The following CNTN4 variants were observed in gnomAD, a reference collection of about 807,000 sequenced individuals.
CNTN4 encodes contactin-4.
A neutral mutation model predicts 122.5 loss-of-function variants in CNTN4; 77 were observed. The observed-to-expected ratio is 0.63, with a 90% CI of 0.52 to 0.76. The LOEUF (loss-of-function observed/expected upper bound fraction) is 0.76. Ranked by LOEUF, CNTN4 falls within the 30% of genes least tolerant of loss-of-function variation. The probability of loss-of-function intolerance (pLI) is 0.00; values close to 1 mark genes in which losing one functional copy is unlikely to be tolerated. For missense variants in CNTN4, 1,256 were observed against 1,259.1 expected (o/e 1.00, Z 0.04); for synonymous variants, 512 against 447.0 (o/e 1.15, Z -1.83).
chr3:2,361,197 A>G (rs910934323), intron 3 of CNTN4, among the ~76,000 whole-genome samples: 7 of 152,156 alleles, frequency 4.6e-5, no homozygotes, highest in Non-Finnish European at 8.8e-5. Context: ...TTCCTAGAAC[A>G]TAAGTTAACG....
At chr3:2,979,921 G>GTCCCAAAAA (rs1693797635) in intron 13 of CNTN4, among the ~76,000 whole-genome samples, 1 of 152,096 alleles carries the variant, frequency 6.6e-6, no homozygotes, top group African/African-American at 2.4e-5. Context: ...AAAATCATAG[G>GTCCCAAAAA]TCTCCATTTT....
At chr3:3,050,763 C>CAAAAAAAACAA (rs1701181876) in intron 23 of CNTN4, among the ~76,000 whole-genome samples, 1 of 85,038 alleles carries the variant, frequency 1.2e-5, no homozygotes, top group African/African-American at 5.5e-5. Context: ...AACTCCGTCT[C>CAAAAAAAACAA]AAAAAAAAAA....
chr3:2,469,685 C>G (rs964118079), intron 3 of CNTN4, among the ~76,000 whole-genome samples: 1 of 152,150 alleles, frequency 6.6e-6, no homozygotes, highest in Non-Finnish European at 1.5e-5. Flanking sequence ...TTTATAGAAG[C>G]TAGAGGTACA....
chr3:2,603,313 T>C (rs2081124672), intron 4 of CNTN4, among the ~76,000 whole-genome samples: 1 of 152,218 alleles, frequency 6.6e-6, no homozygotes, highest in African/African-American at 2.4e-5. Context: ...ATGAAATTTT[T>C]TCTTTGATTC....
chr3:2,516,759 G>T (rs116809036), intron 3 of CNTN4, among the ~76,000 whole-genome samples: 187 of 152,136 alleles, frequency 1.2e-3, no homozygotes, highest in African/African-American at 4.3e-3. Context: ...TGTTTCTTAT[G>T]GTTAGATATA....
intron 23 of CNTN4, among the ~76,000 whole-genome samples, chr3:3,045,447 C>A (rs1416564682): frequency 6.6e-6 from 1 of 152,228 alleles, no homozygotes; most frequent in African/African-American, 2.4e-5. Context: ...GAGGAACGAT[C>A]AGGCAGCAAC....
chr3:2,735,369 A>G (rs2089007887), intron 4 of CNTN4, among the ~76,000 whole-genome samples: 1 of 152,180 alleles, frequency 6.6e-6, no homozygotes. Context: ...CACTTAAGGT[A>G]TGGTTTGTGG....
intron 2 of CNTN4, among the ~76,000 whole-genome samples, chr3:2,303,856 C>T (rs1335970369): frequency 6.6e-6 from 1 of 152,096 alleles, no homozygotes; most frequent in African/African-American, 2.4e-5. Context: ...TGGGTAGGAG[C>T]ACAGCGACTT....
chr3:2,413,208 C>T (rs958766329), intron 3 of CNTN4, among the ~76,000 whole-genome samples: 1 of 152,136 alleles, frequency 6.6e-6, no homozygotes, highest in Non-Finnish European at 1.5e-5. Context: ...TTTAGTGGAA[C>T]CAAAGTGAAT....
chr3:2,839,903 A>T (rs2093316520), intron 7 of CNTN4, among the ~76,000 whole-genome samples: 2 of 152,262 alleles, frequency 1.3e-5, no homozygotes, highest in South Asian at 4.2e-4. Context: ...GGACTTTTTT[A>T]AAATTTTTTT....
intron 6 of CNTN4, among the ~76,000 whole-genome samples, chr3:2,814,723 G>A (rs1375669798): frequency 6.6e-6 from 1 of 152,200 alleles, no homozygotes; most frequent in Non-Finnish European, 1.5e-5. Flanking sequence ...TGGTGCTTCA[G>A]AGCAGTAACT....
intron 4 of CNTN4, among the ~76,000 whole-genome samples, chr3:2,589,715 A>C (rs971037627): frequency 5.3e-5 from 8 of 152,206 alleles, no homozygotes; most frequent in African/African-American, 1.9e-4. Flanking sequence ...TGAAGGTTTG[A>C]CTGCGGCTAG....
intron 2 of CNTN4, among the ~76,000 whole-genome samples, chr3:2,127,810 G>A (rs1374599985): frequency 6.6e-6 from 1 of 152,094 alleles, no homozygotes; most frequent in East Asian, 1.9e-4. Context: ...GTGCTACAGG[G>A]AACCTTTAAG....
intron 7 of CNTN4, among the ~76,000 whole-genome samples, chr3:2,846,717 A>T (rs2150582791): frequency 6.6e-6 from 1 of 152,270 alleles, no homozygotes; most frequent in East Asian, 1.9e-4. Context: ...TTTATTCCCA[A>T]ACCAGTTTAT....
At chr3:2,743,455 A>G (rs2089579553) in intron 5 of CNTN4, among the ~76,000 whole-genome samples, 1 of 152,206 alleles carries the variant, frequency 6.6e-6, no homozygotes, top group South Asian at 2.1e-4. Context: ...AAACACATAA[A>G]GAGGTACCTC....
chr3:3,027,343 C>G (rs1005810116), intron 15 of CNTN4, among the ~76,000 whole-genome samples: 2 of 152,126 alleles, frequency 1.3e-5, no homozygotes, highest in African/African-American at 4.8e-5. Context: ...TCAGTGGATG[C>G]CTGGGTTCAC....
intron 19 of CNTN4, chr3:3,039,766 TCA>T: frequency 2.4e-6 from 1 of 420,876 alleles, no homozygotes; most frequent in Non-Finnish European, 4.4e-6. Flanking sequence ...TTTTTTACAA[TCA>T]TTTCCAACCA....
intron 9 of CNTN4, among the ~76,000 whole-genome samples, chr3:2,886,562 A>C (rs917618247): frequency 7.1e-6 from 1 of 140,010 alleles, no homozygotes; most frequent in African/African-American, 2.7e-5. Flanking sequence ...CCCAGGCTGG[A>C]GTGCAGTAGT....
intron 2 of CNTN4, among the ~76,000 whole-genome samples, chr3:2,198,699 C>T (rs180920011): frequency 7.8e-4 from 119 of 152,232 alleles, no homozygotes; most frequent in African/African-American, 2.7e-3. Flanking sequence ...AGAATATACT[C>T]GAGACTTAAT....
Sources: allele counts gnomAD v4.1 joint callset (sites outside exome capture counted in the v4.1 genomes callset), GRCh38; gene constraint gnomAD v4.1.1; transcripts MANE v1.5; gene names NCBI Gene and HGNC (gene_info 2026-07-23, HGNC 2026-07-21).